MYO5B: variants seen among roughly 807,000 people sequenced by gnomAD.
MYO5B encodes the protein myosin VB, also known as unconventional myosin-Vb.
In MYO5B, 143 loss-of-function variants were observed where a neutral mutation model predicts 229.3. The observed-to-expected ratio is 0.62, with a 90% CI of 0.54 to 0.72. The LOEUF is 0.72. Among genes scored for constraint, MYO5B ranks in the 30% least tolerant of loss-of-function variants. The probability of loss-of-function intolerance (pLI) is 0.00; values close to 1 mark genes in which losing one functional copy is unlikely to be tolerated. For synonymous variants in MYO5B, 918 were observed against 885.2 expected, an observed-to-expected ratio of 1.04 and a Z score of -0.66; for missense variants, 2,321 against 2,331.0, an observed-to-expected ratio of 1.00 and a Z score of 0.09.
intron 1 of MYO5B, among the ~76,000 whole-genome samples, chr18:50,089,889 G>T (rs111438058): frequency 0.045 from 6,874 of 152,118 alleles, 169 homozygotes; most frequent in African/African-American, 0.062. Flanking sequence ...ATGGCACCCT[G>T]CATTTGCATA....
chr18:50,035,195 G>A (rs2026435095), intron 4 of MYO5B, among the ~76,000 whole-genome samples: 1 of 151,968 alleles, frequency 6.6e-6, no homozygotes, highest in Non-Finnish European at 1.5e-5. Flanking sequence ...TGGAAAGCTA[G>A]AAGACTCTCA....
intron 1 of MYO5B, among the ~76,000 whole-genome samples, chr18:50,180,971 GCTCCAC>G (rs112152462): frequency 6.7e-4 from 102 of 152,294 alleles, no homozygotes; most frequent in African/African-American, 2.4e-3. Flanking sequence ...GGATAATGCT[GCTCCAC>G]CTCCTTATCT....
intron 10 of MYO5B, among the ~76,000 whole-genome samples, chr18:49,966,613 TG>T (rs2025629052): frequency 6.6e-6 from 1 of 152,222 alleles, no homozygotes; most frequent in Non-Finnish European, 1.5e-5. Flanking sequence ...TAATAGCAAT[TG>T]GGTGTGCTGG....
chr18:49,984,583 A>G (rs2025850754), intron 8 of MYO5B, 135 bp downstream of exon 8: 2 of 736,672 alleles, frequency 2.7e-6, no homozygotes, highest in African/African-American at 1.7e-5. Flanking sequence ...AAGAGATGAC[A>G]TTCACCAGGG....
rs983311101 is a variant in MYO5B, at chr18:49,958,133, G to A, written c.1546-3698C>T. Among the ~76,000 whole-genome samples the A allele has an allele frequency of 3.3e-5, 5 of 152,170 alleles. No homozygotes were observed. In the East Asian group the frequency reaches 5.8e-4, roughly 18 times the overall value. ...CTTACCCATACCTGGGTGGCTGGAT[G>A]AGACCACACATCAACTCATCTTCCT... On this transcript the variant is annotated intron_variant, in intron 12 of 39. Coordinates refer to ENST00000285039, the MANE Select transcript of MYO5B (RefSeq NM_001080467.3).
At chr18:49,917,549 C>T (rs2144172687) in intron 17 of MYO5B, among the ~76,000 whole-genome samples, 1 of 152,118 alleles carries the variant, frequency 6.6e-6, no homozygotes, top group East Asian at 1.9e-4. Context: ...CACAGCACGA[C>T]CCCCATCCTC....
intron 1 of MYO5B, among the ~76,000 whole-genome samples, chr18:50,080,972 A>G (rs1316489148): frequency 6.6e-6 from 1 of 152,180 alleles, no homozygotes; most frequent in Non-Finnish European, 1.5e-5. Flanking sequence ...TTTCATCATT[A>G]AGCCAAAATA....
chr18:50,155,294 T>C (rs890345271), intron 1 of MYO5B, among the ~76,000 whole-genome samples: 6 of 152,082 alleles, frequency 3.9e-5, no homozygotes, highest in Admixed American at 3.3e-4. Flanking sequence ...ATTCGTAGAA[T>C]GAAGAATTGG....
At chr18:50,122,349 C>T (rs1331369521) in intron 1 of MYO5B, among the ~76,000 whole-genome samples, 2 of 148,112 alleles carry the variant, frequency 1.4e-5, no homozygotes, top group South Asian at 4.3e-4. Flanking sequence ...TGCCTGTAAT[C>T]CCAGCACTTT....
At chr18:49,832,926 C>G (rs114397378) in intron 39 of MYO5B, among the ~76,000 whole-genome samples, 1 of 152,052 alleles carries the variant, frequency 6.6e-6, no homozygotes, top group African/African-American at 2.4e-5. Flanking sequence ...ACAGCCCACT[C>G]TGAGGTTTGC....
intron 1 of MYO5B, among the ~76,000 whole-genome samples, chr18:50,063,411 C>T (rs146203014): frequency 4.5e-4 from 69 of 152,212 alleles, no homozygotes; most frequent in African/African-American, 1.6e-3. Flanking sequence ...ATTTCTGAGC[C>T]CATTAGGTAG....
intron 1 of MYO5B, among the ~76,000 whole-genome samples, chr18:50,068,232 A>C (rs1014738904): frequency 2.0e-5 from 3 of 152,248 alleles, no homozygotes; most frequent in Non-Finnish European, 4.4e-5. Context: ...AGATACTGAA[A>C]TATGTGCACA....
intron 4 of MYO5B, among the ~76,000 whole-genome samples, chr18:50,004,034 C>T (rs1322581078): frequency 6.6e-6 from 1 of 152,130 alleles, no homozygotes; most frequent in Non-Finnish European, 1.5e-5. Context: ...CACACACCAG[C>T]GATGCTTGTC....
At chr18:49,901,766 G>T (rs1381427207) in intron 21 of MYO5B, among the ~76,000 whole-genome samples, 1 of 152,242 alleles carries the variant, frequency 6.6e-6, no homozygotes, top group Non-Finnish European at 1.5e-5. Flanking sequence ...CAGAGCATGG[G>T]CTCTGGAGCC....
intron 21 of MYO5B, among the ~76,000 whole-genome samples, chr18:49,897,227 C>T (rs2024788705): frequency 6.6e-6 from 1 of 152,142 alleles, no homozygotes; most frequent in African/African-American, 2.4e-5. Context: ...GTGTCACAGC[C>T]ATGCAGCCAA....
chr18:49,913,321 C>T (rs775586698), intron 17 of MYO5B, among the ~76,000 whole-genome samples: 17 of 152,192 alleles, frequency 1.1e-4, no homozygotes, highest in African/African-American at 3.1e-4. Flanking sequence ...AAGGTGGTCT[C>T]GATTCATACA....
intron 21 of MYO5B, among the ~76,000 whole-genome samples, chr18:49,897,581 T>C (rs749056702): frequency 3.9e-5 from 6 of 152,066 alleles, no homozygotes; most frequent in African/African-American, 7.2e-5. Context: ...ATTTTAAAAA[T>C]AGAAAAAAGC....
chr18:49,884,699 T>C (rs1293677113), intron 22 of MYO5B, among the ~76,000 whole-genome samples: 1 of 152,130 alleles, frequency 6.6e-6, no homozygotes, highest in Non-Finnish European at 1.5e-5. Flanking sequence ...GCGGCCTGGT[T>C]CCTGGACCAC....
At chr18:49,897,431 T>C (rs1206969655) in intron 21 of MYO5B, among the ~76,000 whole-genome samples, 1 of 151,860 alleles carries the variant, frequency 6.6e-6, no homozygotes, top group Non-Finnish European at 1.5e-5. Flanking sequence ...CAAAAAAAAG[T>C]AAAAAAAAAT....
Sources: allele counts gnomAD v4.1 joint callset (sites outside exome capture counted in the v4.1 genomes callset), GRCh38; gene constraint gnomAD v4.1.1; transcripts MANE v1.5; gene names NCBI Gene and HGNC (gene_info 2026-07-23, HGNC 2026-07-21).